The following DOCK4 variants were observed in gnomAD, a reference collection of about 807,000 sequenced individuals.
DOCK4 encodes dedicator of cytokinesis 4.
Under a neutral mutation model 268.1 loss-of-function variants are expected in DOCK4, and 97 were observed. The observed-to-expected ratio is 0.36, with a 90% CI of 0.31 to 0.43. The LOEUF (loss-of-function observed/expected upper bound fraction) is 0.43. Ranked by LOEUF, DOCK4 falls within the 20% of genes least tolerant of loss-of-function variation. The probability of loss-of-function intolerance (pLI) is 1.00; values close to 1 mark genes in which losing one functional copy is unlikely to be tolerated. For synonymous variants in DOCK4, 954 were observed against 887.2 expected (o/e 1.08, Z -1.34); for missense variants, 2,145 against 2,455.7 (o/e 0.87, Z 2.67).
intron 27 of DOCK4, chr7:111,821,124 T>C (rs2133961136): frequency 6.6e-6 from 1 of 152,350 alleles, no homozygotes; most frequent in East Asian, 1.9e-4. Flanking sequence ...ACAAAGTTTT[T>C]AACACATCAT....
intron 1 of DOCK4, among the ~76,000 whole-genome samples, chr7:112,187,925 C>T (rs887764506): frequency 4.6e-5 from 7 of 151,968 alleles, no homozygotes; most frequent in Non-Finnish European, 1.0e-4. Flanking sequence ...CAAATATGAC[C>T]CCTTTAACCA....
At chr7:112,180,177 T>C (rs1818898435) in intron 1 of DOCK4, among the ~76,000 whole-genome samples, 2 of 152,136 alleles carry the variant, frequency 1.3e-5, no homozygotes, top group South Asian at 4.1e-4. Flanking sequence ...TGGCATTCAC[T>C]AAGCATATGG....
chr7:111,769,723 C>G, intron 36 of DOCK4, 46 bp from the exon 37 acceptor site: 1 of 1,579,562 alleles, frequency 6.3e-7, no homozygotes, highest in Non-Finnish European at 8.6e-7. Flanking sequence ...GACCCCAAGC[C>G]ACATTCCCTC....
chr7:111,850,157 C>A (rs1322986615), intron 23 of DOCK4, among the ~76,000 whole-genome samples: 1 of 152,114 alleles, frequency 6.6e-6, no homozygotes, highest in Non-Finnish European at 1.5e-5. Flanking sequence ...TCAATTCCAA[C>A]AATATATTAA....
At chr7:112,018,143 CAAA>C (rs140883588) in intron 1 of DOCK4, among the ~76,000 whole-genome samples, 4,228 of 20,540 alleles carry the variant, frequency 0.21, 971 homozygotes, top group Non-Finnish European at 0.22. Context: ...GACTCCAGCT[CAAA>C]AAAAAAAAAA....
At chr7:112,124,615 C>T (rs570808689) in intron 1 of DOCK4, among the ~76,000 whole-genome samples, 38 of 152,234 alleles carry the variant, frequency 2.5e-4, no homozygotes, top group South Asian at 6.2e-4. Flanking sequence ...GGCCATGTGA[C>T]GTGAAATATC....
chr7:111,832,663 G>T (rs1802930109), intron 26 of DOCK4, among the ~76,000 whole-genome samples: 1 of 152,084 alleles, frequency 6.6e-6, no homozygotes, highest in African/African-American at 2.4e-5. Context: ...AAATAGCTGG[G>T]ACTACAGGCA....
At chr7:111,995,925 G>A (rs575967090) in intron 4 of DOCK4, among the ~76,000 whole-genome samples, 17 of 152,170 alleles carry the variant, frequency 1.1e-4, no homozygotes, top group Non-Finnish European at 1.5e-5. Flanking sequence ...AACTGTGACA[G>A]ACACAGAACC....
At chr7:112,067,267 C>T (rs1196376044) in intron 1 of DOCK4, among the ~76,000 whole-genome samples, 4 of 150,934 alleles carry the variant, frequency 2.7e-5, no homozygotes, top group Non-Finnish European at 5.9e-5. Flanking sequence ...AAGATGGTTC[C>T]TACTCCTAGA....
At chr7:112,089,048 T>G (rs945790053) in intron 1 of DOCK4, among the ~76,000 whole-genome samples, 5 of 152,162 alleles carry the variant, frequency 3.3e-5, no homozygotes, top group Admixed American at 3.3e-4. Flanking sequence ...AATTAATAAT[T>G]GTTATGAAAT....
intron 1 of DOCK4, among the ~76,000 whole-genome samples, chr7:112,110,915 T>C (rs1235127375): frequency 6.6e-6 from 1 of 152,222 alleles, no homozygotes; most frequent in Non-Finnish European, 1.5e-5. Flanking sequence ...TGCCAGCGTC[T>C]TCCCCATTCA....
intron 8 of DOCK4, among the ~76,000 whole-genome samples, chr7:111,973,156 C>CTTATATAT (rs990863473): frequency 8.8e-6 from 1 of 114,062 alleles, no homozygotes; most frequent in African/African-American, 3.6e-5. Context: ...TATTCCATGG[C>CTTATATAT]ATATATATAT....
Position 111,859,794 on chromosome 7 carries a change from T to C in DOCK4, c.2473+3578A>G, listed in dbSNP as rs375610866. The stretch of plus-strand genomic sequence containing the variant: ...GTTTTAGCCGGGATGGTCTCGATCT[T>C]CTGACCTCGTGATCCGCCCGCCTCG... On this transcript the variant is annotated intron_variant, in intron 23 of 52. Transcript: ENST00000428084. Among the ~76,000 whole-genome samples the C allele has an allele frequency of 8.2e-3, 1,244 of 151,852 alleles. 23 individuals carry two copies. The highest frequency in any genetic ancestry group is 0.023 in the African/African-American group (933 of 41,418).
chr7:112,150,168 C>T (rs999145488), intron 1 of DOCK4, among the ~76,000 whole-genome samples: 6 of 152,104 alleles, frequency 3.9e-5, no homozygotes, highest in Admixed American at 6.6e-5. Flanking sequence ...CTTTGAAATG[C>T]TTTTTTGCCT....
At position 111,846,333 on chromosome 7, in the gene DOCK4, A is replaced by G. The variant is rs368243471; in HGVS notation, c.2601+666T>C. ...GCAGAAGTGGAACAGGATATTCTCCATATGTGGATTTCACACCAGACCCCT... is the reference window on the plus strand; with the variant it reads ...GCAGAAGTGGAACAGGATATTCTCCGTATGTGGATTTCACACCAGACCCCT... On this transcript the variant is annotated intron_variant, in intron 24 of 52. Transcript: ENST00000428084. Among the ~76,000 whole-genome samples, 31 of 152,322 alleles carry G rather than the reference A, an allele frequency of 2.0e-4. No homozygotes were observed. The Middle Eastern group carries it at 0.01, about 50-fold the overall frequency.
At chr7:112,173,234 C>T (rs928752261) in intron 1 of DOCK4, among the ~76,000 whole-genome samples, 2 of 152,300 alleles carry the variant, frequency 1.3e-5, no homozygotes, top group Middle Eastern at 3.4e-3. Context: ...TGATTTCCCT[C>T]GTGCATTGTG....
chr7:112,128,530 G>C (rs1045552357), intron 1 of DOCK4, among the ~76,000 whole-genome samples: 1 of 152,252 alleles, frequency 6.6e-6, no homozygotes, highest in African/African-American at 2.4e-5. Flanking sequence ...TGTCTGTGTA[G>C]AAAGAAGTAG....
chr7:112,097,962 A>G (rs1211163034), intron 1 of DOCK4, among the ~76,000 whole-genome samples: 1 of 152,204 alleles, frequency 6.6e-6, no homozygotes, highest in Non-Finnish European at 1.5e-5. Context: ...GTATATACAA[A>G]TAGTACAGTC....
At chr7:112,187,358 T>A (rs1193447525) in intron 1 of DOCK4, among the ~76,000 whole-genome samples, 2 of 152,188 alleles carry the variant, frequency 1.3e-5, no homozygotes, top group Non-Finnish European at 2.9e-5. Flanking sequence ...TCTCCATCAA[T>A]TGTCTACATG....
Sources: allele counts gnomAD v4.1 joint callset (sites outside exome capture counted in the v4.1 genomes callset), GRCh38; gene constraint gnomAD v4.1.1; transcripts MANE v1.5; gene names NCBI Gene and HGNC (gene_info 2026-07-23, HGNC 2026-07-21).